FASN: variants seen among roughly 807,000 people sequenced by gnomAD.
The protein encoded by FASN is 3-hydroxyacyl-[acyl-carrier-protein] dehydratase.
Under a neutral mutation model 250.0 loss-of-function variants are expected in FASN, and 50 were observed. The ratio of observed to expected loss-of-function variants is 0.20; its 90% CI spans 0.16 to 0.25. The LOEUF is 0.25. Among genes scored for constraint, FASN ranks in the 10% least tolerant of loss-of-function variants. The pLI, the probability that FASN is intolerant of heterozygous loss-of-function variation, is 1.00. For synonymous variants in FASN, 1,909 were observed against 1,584.0 expected (o/e 1.21, Z -4.87); for missense variants, 3,031 against 3,498.5 (o/e 0.87, Z 3.37).
At chr17:82,095,221 C>G (rs573729951) in intron 3 of FASN, 99 bp downstream of exon 3, 1 of 1,422,870 alleles carries the variant, frequency 7.0e-7, no homozygotes, top group East Asian at 2.3e-5. Context: ...GTAGGTGGTG[C>G]CAGCACCTGG....
rs1401477268 is a variant in FASN, at chr17:82,091,004, T to G, written c.1558A>C (p.Ile520Leu). 2.5e-6 allele frequency: 4 copies of G among 1,612,818 alleles called. No homozygotes were observed. The highest frequency in any genetic ancestry group is 2.5e-6 in the Non-Finnish European group (3 of 1,179,978). ...LMRLDRFRDS[I>L]LRSDEAVKPF... ...TTCACAGCCTCATCGGAGCGTAGGA[T>G]GGAATCTCGGAAGCGGTCCAGGCGC... Residue 520 changes from isoleucine to leucine, a missense_variant, in exon 10 of 43, where the codon ATC becomes CTC. Ile to Leu is a conservative substitution (Grantham distance 5, BLOSUM62 2). Transcript: ENST00000306749.
Position 82,088,558 on chromosome 17 carries a change from C to T in FASN, c.2425G>A (p.Asp809Asn), listed in dbSNP as rs766712508. The T allele has an allele frequency of 2.3e-5, 37 of 1,604,610 alleles. No homozygotes were observed. Among genetic ancestry groups the T allele is most frequent in the Non-Finnish European group, 2.9e-5 (34 of 1,174,880 alleles). Residue 809 changes from aspartate to asparagine, a missense_variant, in exon 16 of 43, where the codon GAC (aspartate) becomes AAC (asparagine). Physicochemically the swap from Asp to Asn is conservative, Grantham distance 23. Coordinates refer to ENST00000306749, the MANE Select transcript of FASN (RefSeq NM_004104.5). ...GGGAACAAGGCATTGGGGTTGGCGT[C>T]GATGCTACGGAGAAGGGAGGCATGG... ...GIGRLHLSGI[D>N]ANPNALFPPV...
At chr17:82,081,119 G>A (rs2033979510) in intron 38 of FASN, 45 bp downstream of exon 38, 5 of 1,538,346 alleles carry the variant, frequency 3.3e-6, no homozygotes, top group Non-Finnish European at 3.5e-6. Flanking sequence ...AGGAAGGGCT[G>A]GGGAGGCCCG....
chr17:82,080,480 C>T lies in FASN; in HGVS notation c.6937G>A (p.Val2313Met), dbSNP rs1221950924. 1.3e-6 allele frequency: 2 copies of T among 1,573,548 alleles called. No individual in the cohort carries two copies. The highest frequency in any genetic ancestry group is 3.7e-5 in the Admixed American group (2 of 53,824). ...RVAGYSYGAC[V>M]AFEMCSQLQA... ...AGCTGGGAGCACATTTCAAAGGCCA[C>T]GCAGGCCCCGTAGGAGTAGCCGGCC... is the stretch of plus-strand genomic sequence containing the variant. Residue 2313 changes from valine to methionine, a missense_variant, in exon 40 of 43, where the codon GTG (valine) becomes ATG (methionine). By Grantham distance (21) the Val-to-Met change is conservative. Coordinates refer to ENST00000306749, the MANE Select transcript of FASN (RefSeq NM_004104.5).
At position 82,085,686 on chromosome 17, in the gene FASN, G is replaced by C. The variant is rs1200552563; in HGVS notation, c.3918C>G (p.Ala1306=). The change falls in exon 23 of 43, where the codon GCC becomes GCG. Residue 1306 remains alanine (A), a synonymous_variant. Transcript: ENST00000306749. The part of the protein sequence containing the change: ...QWDPADPAPS[A]LGSADLLVCN... ...ACACCAGGAGGTCGGCGCTGCCCAG[G>C]GCGCTGGGGGCAGGGTCTGCGGGAT... is the stretch of plus-strand genomic sequence containing the variant. 1.9e-6 allele frequency: 3 copies of C among 1,572,392 alleles called. No homozygotes were observed. The highest frequency in any genetic ancestry group is 2.6e-6 in the Non-Finnish European group (3 of 1,159,852).
Position 82,095,468 on chromosome 17 carries a change from G to C in FASN, c.132C>G (p.Leu44=). Residue 44 remains leucine (L), a synonymous_variant, in exon 3 of 43, where the codon CTC becomes CTG. Transcript: ENST00000306749. Reference sequence around the variant, plus strand: ...TGCCGGACCGCCGGGGCAGGCCGTAGAGCCCTGTGGGACAGGCGGGTGTTT... The same window carrying C: ...TGCCGGACCGCCGGGGCAGGCCGTACAGCCCTGTGGGACAGGCGGGTGTTT... ...TDDDRRWKAG[L]YGLPRRSGKL... The C allele has an allele frequency of 2.5e-6, 4 of 1,612,192 alleles. No individual in the cohort carries two copies. Among genetic ancestry groups the C allele is most frequent in the Non-Finnish European group, 3.4e-6 (4 of 1,180,010 alleles).
In FASN at chr17:82,087,739, G is replaced by A. The variant is rs963855979; in HGVS notation, c.2989C>T (p.Arg997Cys). The part of the protein sequence containing the change: ...QAEVYKELRL[R>C]GYDYGPHFQG... ...AAATGAGGGCCGTAGTCGTAGCCAC[G>A]CAGACGCAGCTCCTTGTAAACTTCA... Residue 997 changes from arginine to cysteine, a missense_variant, in exon 19 of 43, where the codon CGT (arginine) becomes TGT (cysteine). By Grantham distance (180) the Arg-to-Cys change is radical (BLOSUM62 -3). Coordinates refer to ENST00000306749, the MANE Select transcript of FASN (RefSeq NM_004104.5). 5.6e-6 allele frequency: 9 copies of A among 1,612,296 alleles called. No individual in the cohort carries two copies. Among genetic ancestry groups the A allele is most frequent in the South Asian group, 2.2e-5 (2 of 91,074 alleles).
chr17:82,081,903 TGGG>T, intron 36 of FASN, 60 bp from the exon 37 acceptor site: 1 of 126,640 alleles, frequency 7.9e-6, no homozygotes, highest in South Asian at 8.3e-5. Flanking sequence ...GAGTGGCCAC[TGGG>T]AGAGGGTGGG....
rs145311183 is a variant in FASN at position 82,091,014 on chromosome 17, G to A, written c.1548C>T (p.Phe516=). The A allele has an allele frequency of 3.3e-5, 53 of 1,612,680 alleles. No individual in the cohort carries two copies. In the Admixed American group the frequency reaches 3.5e-4, roughly 11 times the overall value. ...MGLSLMRLDR[F]RDSILRSDEA... ...CATCGGAGCGTAGGATGGAATCTCG[G>A]AAGCGGTCCAGGCGCATGAGGCTCA... is the stretch of plus-strand genomic sequence containing the variant. Residue 516 remains phenylalanine, a synonymous_variant, in exon 10 of 43, where the codon TTC becomes TTT. Coordinates refer to ENST00000306749, the MANE Select transcript of FASN (RefSeq NM_004104.5).
Position 82,078,745 on chromosome 17 carries a change from C to G in FASN, c.*398G>C, listed in dbSNP as rs576196337. 9.4e-6 allele frequency: 3 copies of G among 320,406 alleles called. No homozygotes were observed. Among genetic ancestry groups the G allele is most frequent in the South Asian group, 8.3e-5 (3 of 36,302 alleles). The allele number at this position is 320,406 out of a possible 1,614,324, so 19.8% of individuals were successfully genotyped here. ...ACATCGGGGAAATGGGGGCAGAGTG[C>G]GGGACCCACACGCTGCCTGAGGAGT... On this transcript the variant is annotated 3_prime_UTR_variant, in exon 43 of 43. Coordinates refer to ENST00000306749, the MANE Select transcript of FASN (RefSeq NM_004104.5). This position sits in a 1 kb window ranked among gnomAD's most constrained non-coding sequence, Gnocchi z 5.4.
At chr17:82,086,619 G>T in intron 21 of FASN, 61 bp from the exon 22 acceptor site, 1 of 1,304,992 alleles carries the variant, frequency 7.7e-7, no homozygotes. Context: ...GCCTGGCATG[G>T]GCTCTCAGAC....
chr17:82,086,184 C>T (rs981029187), intron 22 of FASN, 70 bp downstream of exon 22: 5 of 1,533,518 alleles, frequency 3.3e-6, no homozygotes, highest in Non-Finnish European at 3.5e-6. Flanking sequence ...TGTGCTGTCT[C>T]CTGCAACTGA....
Position 82,082,142 on chromosome 17 carries a change from G to A in FASN, c.6030C>T (p.Cys2010=), listed in dbSNP as rs373268994. 9.3e-6 allele frequency: 15 copies of A among 1,604,576 alleles called. No homozygotes were observed. In the African/African-American group the frequency reaches 1.7e-4, roughly 19 times the overall value. Residue 2010 remains cysteine (C), a synonymous_variant, in exon 36 of 43, where the codon TGC becomes TGT. Coordinates refer to ENST00000306749, the MANE Select transcript of FASN (RefSeq NM_004104.5). ...LNLDRVTREA[C]PELDYFVVFS... Reference sequence around the variant, plus strand: ...AGACCACAAAGTAGTCCAGCTCAGGGCACGCCTCTCGGGTCACCCTGTGGG... The same window carrying A: ...AGACCACAAAGTAGTCCAGCTCAGGACACGCCTCTCGGGTCACCCTGTGGG...
In FASN at chr17:82,083,760, G is replaced by A; in HGVS notation, c.5218+12C>T. ...AGGCAGGAGGCAGGTGGGGGCTGTG[G>A]GGGCCACTCACCCTTCCCGCCCGTG... On this transcript the variant is annotated intron_variant, in intron 30 of 42. Transcript: ENST00000306749. 1 of 1,611,452 alleles carries A rather than the reference G, an allele frequency of 6.2e-7. No homozygotes were observed. The highest frequency in any genetic ancestry group is 8.5e-7 in the Non-Finnish European group (1 of 1,179,700).
At position 82,088,198 on chromosome 17, in the gene FASN, G is replaced by A. The variant is rs542715902; in HGVS notation, c.2703C>T (p.Arg901=). The change falls in exon 17 of 43, where the codon CGC becomes CGT. Residue 901 remains arginine, a synonymous_variant. Coordinates refer to ENST00000306749, the MANE Select transcript of FASN (RefSeq NM_004104.5). ...GCTGCTCGACGCCCAGGCCCAGGGC[G>A]CGGGCCAGCGTCTTCCACACTATGC... The part of the protein sequence containing the change: ...YLSIVWKTLA[R]ALGLGVEQLP... 16 of 1,612,172 alleles carry A rather than the reference G, an allele frequency of 9.9e-6. No homozygotes were observed. Among genetic ancestry groups the A allele is most frequent in the African/African-American group, 4.0e-5 (3 of 75,060 alleles).
Position 82,078,822 on chromosome 17 carries a change from G to A in FASN, c.*321C>T. On this transcript the variant is annotated 3_prime_UTR_variant, in exon 43 of 43. Coordinates refer to ENST00000306749, the MANE Select transcript of FASN (RefSeq NM_004104.5). This position sits in a 1 kb window ranked among gnomAD's most constrained non-coding sequence, Gnocchi z 5.4. ...TCTCTACCAGCAATGCAATAAATAT[G>A]CAAATCCAAGCACAGAAAGACCAAG... 1 of 462,308 alleles carries A rather than the reference G, an allele frequency of 2.2e-6. No homozygotes were observed. The allele number at this position is 462,308 out of a possible 1,614,324, so 28.6% of individuals were successfully genotyped here.
Position 82,091,469 on chromosome 17 carries a change from G to A in FASN, c.1245C>T (p.Ala415=), listed in dbSNP as rs1321147222. The A allele has an allele frequency of 6.2e-7, 1 of 1,605,870 alleles. No homozygotes were observed. Among genetic ancestry groups the A allele is most frequent in the Admixed American group, 1.7e-5 (1 of 59,060 alleles). ...GCAGACGGGGCAGGGTGGCATGTGG[G>A]GCGGGTGCGGGGGGCGGCTGCGTGT... is the stretch of plus-strand genomic sequence containing the variant. ...RPNTQPPPAP[A]PHATLPRLLR... Residue 415 remains alanine, a synonymous_variant, in exon 9 of 43, where the codon GCC becomes GCT. Transcript: ENST00000306749.
intron 9 of FASN, 45 bp from the exon 10 acceptor site, chr17:82,091,114 A>C: frequency 6.2e-7 from 1 of 1,606,566 alleles, no homozygotes; most frequent in Non-Finnish European, 8.5e-7. Flanking sequence ...ATCCCGTGCC[A>C]CTGTGTGCCC....
chr17:82,081,660 G>C lies in FASN; in HGVS notation c.6347C>G (p.Ala2116Gly). 6.2e-7 allele frequency: 1 copy of C among 1,612,692 alleles called. No individual in the cohort carries two copies. ...LSSFVLAEKA[A>G]AYRDRDSQRD... Reference sequence around the variant, plus strand: ...CTGGCTGTCCCTGTCCCTATAGGCCGCAGCCTTCTCAGCCAGCACAAAGCT... The same window carrying C: ...CTGGCTGTCCCTGTCCCTATAGGCCCCAGCCTTCTCAGCCAGCACAAAGCT... Residue 2116 changes from alanine (A) to glycine (G), a missense_variant, in exon 37 of 43, where the codon GCG becomes GGG. By Grantham distance (60) the Ala-to-Gly change is moderately conservative. Transcript: ENST00000306749.
Sources: allele counts gnomAD v4.1 joint callset, GRCh38; gene constraint gnomAD v4.1.1; non-coding constraint Gnocchi (gnomAD v3.1); transcripts MANE v1.5; gene names NCBI Gene and HGNC (gene_info 2026-07-23, HGNC 2026-07-21).